Variants in VIRMA observed in about 807,000 individuals in gnomAD.
VIRMA encodes the protein vir like m6A methyltransferase associated, also known as protein virilizer homolog.
Under a neutral mutation model 182.4 loss-of-function variants are expected in VIRMA, and 65 were observed. That is an observed-to-expected ratio of 0.36 (90% CI 0.29 to 0.44). VIRMA has a LOEUF of 0.44. Among genes scored for constraint, VIRMA ranks in the 20% least tolerant of loss-of-function variants. The pLI is 1.00. For synonymous variants in VIRMA, 709 were observed against 743.1 expected, an observed-to-expected ratio of 0.95 and a Z score of 0.75; for missense variants, 1,752 against 2,158.1, an observed-to-expected ratio of 0.81 and a Z score of 3.73.
intron 1 of VIRMA, among the ~76,000 whole-genome samples, chr8:94,552,320 T>A (rs1025881061): frequency 1.3e-5 from 2 of 151,920 alleles, no homozygotes; most frequent in Admixed American, 6.5e-5. Flanking sequence ...CTACCCACTA[T>A]CATTACTATC....
chr8:94,513,795 G>T (rs962976210), intron 11 of VIRMA, among the ~76,000 whole-genome samples: 3 of 152,062 alleles, frequency 2.0e-5, no homozygotes, highest in Middle Eastern at 3.2e-3. Flanking sequence ...GATATTAATT[G>T]TACTTCTCCT....
chr8:94,538,287 C>A lies in VIRMA; in HGVS notation c.239G>T (p.Ser80Ile). The A allele has an allele frequency of 1.2e-6, 2 of 1,613,328 alleles. No individual in the cohort carries two copies. The highest frequency in any genetic ancestry group is 1.7e-6 in the Non-Finnish European group (2 of 1,179,390). ...TCCCAACCTATCGAAAACAGGGGCA[C>A]TTGGTTTGCTTACATTGTTGAAGAA... ...DLFFNNVSKP[S>I]APVFDRLGSL... is the part of the protein sequence containing the mutation. Residue 80 changes from serine (S) to isoleucine (I), a missense_variant, in exon 3 of 24, where the codon AGT (serine) becomes ATT (isoleucine). Coordinates refer to ENST00000297591, the MANE Select transcript of VIRMA (RefSeq NM_015496.5).
intron 4 of VIRMA, among the ~76,000 whole-genome samples, chr8:94,536,413 C>T (rs1282895045): frequency 6.6e-6 from 1 of 152,114 alleles, no homozygotes; most frequent in African/African-American, 2.4e-5. Flanking sequence ...TGGCATCTGG[C>T]ATATCAAGAA....
Position 94,494,880 on chromosome 8 carries a change from T to C in VIRMA, c.4621A>G (p.Ile1541Val). The C allele has an allele frequency of 6.3e-7, 1 of 1,595,650 alleles. No homozygotes were observed. Among genetic ancestry groups the C allele is most frequent in the Non-Finnish European group, 8.6e-7 (1 of 1,164,362 alleles). Residue 1541 changes from isoleucine to valine, a missense_variant, in exon 20 of 24, where the codon ATA becomes GTA. Around this residue, in one of 11 missense-constraint regions of VIRMA, gnomAD observed 777 missense variants for 920.6 expected, o/e 0.84. Coordinates refer to ENST00000297591, the MANE Select transcript of VIRMA (RefSeq NM_015496.5). ...TATACCAAATCCAGATCTGTATCTA[T>C]CTCTTCAGCCTGAAATGGAGTGAAC... ...MWFTPFQAEEIDTDLDLVKVD... is the reference protein window; with the variant it reads ...MWFTPFQAEEVDTDLDLVKVD...
At chr8:94,510,797 T>C in intron 13 of VIRMA, 145 bp from the exon 14 acceptor site, 1 of 766,850 alleles carries the variant, frequency 1.3e-6, no homozygotes, top group Non-Finnish European at 2.0e-6. Context: ...AGTTAAACAT[T>C]TGCTTGAATT....
chr8:94,489,964 T>C lies in VIRMA; in HGVS notation c.5259A>G (p.Pro1753=), dbSNP rs551358096. Reference sequence around the variant, plus strand: ...CTGTAGAACTAAGGGGTCGTAATGGTGGAAGAGGGCCTCTGTTAAAATTGC... The same window carrying C: ...CTGTAGAACTAAGGGGTCGTAATGGCGGAAGAGGGCCTCTGTTAAAATTGC... The part of the protein sequence containing the change: ...GQSNFNRGPL[P]PLRPLSSTGY... Residue 1753 remains proline, a synonymous_variant, in exon 23 of 24, where the codon CCA becomes CCG. Transcript: ENST00000297591. 27 of 1,614,140 alleles carry C rather than the reference T, an allele frequency of 1.7e-5. No homozygotes were observed. The South Asian group carries it at 2.6e-4, about 16-fold the overall frequency.
intron 18 of VIRMA, 172 bp downstream of exon 18, chr8:94,496,156 A>G (rs773707408): frequency 8.0e-5 from 53 of 664,480 alleles, no homozygotes; most frequent in African/African-American, 3.3e-4. Context: ...CTTAAAATTC[A>G]TAACAGGATG....
Position 94,506,539 on chromosome 8 carries a change from A to C in VIRMA, c.4058T>G (p.Phe1353Cys). The C allele has an allele frequency of 6.2e-7, 1 of 1,613,302 alleles. No individual in the cohort carries two copies. The highest frequency in any genetic ancestry group is 8.5e-7 in the Non-Finnish European group (1 of 1,179,414). Reference protein sequence around the residue: ...CLLTCVRTMMFLAEHDYGLFH... With the variant: ...CLLTCVRTMMCLAEHDYGLFH... ...TAATCCATAATCATGCTCTGCAAGA[A>C]ACATCATTGTTCTGACACATGTCAG... Residue 1353 changes from phenylalanine to cysteine, a missense_variant, in exon 16 of 24, where the codon TTT becomes TGT. By Grantham distance (205) the Phe-to-Cys change is radical (BLOSUM62 -2). This residue lies in a region of VIRMA where 777 missense variants were observed against 920.6 expected (regional missense o/e 0.84). Transcript: ENST00000297591.
intron 8 of VIRMA, among the ~76,000 whole-genome samples, chr8:94,524,967 T>C (rs1312424615): frequency 6.6e-6 from 1 of 152,220 alleles, no homozygotes. Context: ...CCTGCCTAAA[T>C]GCATTCTCTG....
chr8:94,513,824 T>G (rs548462648), intron 11 of VIRMA, among the ~76,000 whole-genome samples: 2 of 152,104 alleles, frequency 1.3e-5, no homozygotes, highest in Non-Finnish European at 2.9e-5. Context: ...GAAAATGTAA[T>G]GAAAAGTTCT....
At chr8:94,528,004 G>A (rs1057065874) in intron 7 of VIRMA, among the ~76,000 whole-genome samples, 6 of 152,108 alleles carry the variant, frequency 3.9e-5, no homozygotes, top group Middle Eastern at 3.4e-3. Context: ...AGGCCAAGCC[G>A]GGCAGATCAC....
intron 5 of VIRMA, among the ~76,000 whole-genome samples, chr8:94,533,159 C>T (rs887758847): frequency 8.9e-5 from 13 of 146,522 alleles, no homozygotes; most frequent in African/African-American, 2.3e-4. Flanking sequence ...AAGGAGCTCA[C>T]GGTTTGGTTA....
At position 94,511,718 on chromosome 8, in the gene VIRMA, C is replaced by A; in HGVS notation, c.2857G>T (p.Asp953Tyr). 1 of 1,613,054 alleles carries A rather than the reference C, an allele frequency of 6.2e-7. No individual in the cohort carries two copies. Among genetic ancestry groups the A allele is most frequent in the African/African-American group, 1.3e-5 (1 of 74,954 alleles). Residue 953 changes from aspartate (D) to tyrosine (Y), a missense_variant, in exon 13 of 24, where the codon GAT becomes TAT. Around this residue, in one of 11 missense-constraint regions of VIRMA, gnomAD observed 777 missense variants for 920.6 expected, o/e 0.84. Coordinates refer to ENST00000297591, the MANE Select transcript of VIRMA (RefSeq NM_015496.5). ...PPPPVEGQQKDLKWNLAVIQL... is the reference protein window; with the variant it reads ...PPPPVEGQQKYLKWNLAVIQL... ...ATAACGGCAAGATTCCATTTCAGAT[C>A]TTTCTGTTGACCTTTATATAGGATA...
At position 94,517,910 on chromosome 8, in the gene VIRMA, T is replaced by G; in HGVS notation, c.2546A>C (p.Asn849Thr). 3 of 1,613,022 alleles carry G rather than the reference T, an allele frequency of 1.9e-6. No homozygotes were observed. The highest frequency in any genetic ancestry group is 2.5e-6 in the Non-Finnish European group (3 of 1,179,238). The stretch of plus-strand genomic sequence containing the variant: ...CACCAAAATAAGTATGCATGCGTAA[T>G]TATAAGCTACTGACTTCTTAGATTT... ...DSKSKKSVAY[N>T]YACILILVVV... Residue 849 changes from asparagine to threonine, a missense_variant, in exon 10 of 24, where the codon AAT (asparagine) becomes ACT (threonine). By Grantham distance (65) the Asn-to-Thr change is moderately conservative (BLOSUM62 0). Around this residue, in one of 11 missense-constraint regions of VIRMA, gnomAD observed 777 missense variants for 920.6 expected, o/e 0.84. Transcript: ENST00000297591.
At position 94,534,915 on chromosome 8, in the gene VIRMA, T is replaced by A; in HGVS notation, c.408A>T (p.Arg136Ser). ...GSVDRVISHD[R>S]DSPPPPPPPP... ...GTGGAGGTGGTGGTGGTGGAGAGTC[T>A]CTGTCATGACTTATCACTCTATCCA... The change falls in exon 5 of 24, where the codon AGA becomes AGT. Residue 136 changes from arginine to serine, a missense_variant. Around this residue, in one of 11 missense-constraint regions of VIRMA, gnomAD observed 195 missense variants for 191.7 expected, o/e 1.02. Coordinates refer to ENST00000297591, the MANE Select transcript of VIRMA (RefSeq NM_015496.5). 1 of 1,613,914 alleles carries A rather than the reference T, an allele frequency of 6.2e-7. No individual in the cohort carries two copies. The highest frequency in any genetic ancestry group is 8.5e-7 in the Non-Finnish European group (1 of 1,179,938).
In VIRMA at chr8:94,495,894, A is replaced by G; in HGVS notation, c.4384-3T>C. 6.2e-7 allele frequency: 1 copy of G among 1,611,336 alleles called. No individual in the cohort carries two copies. The highest frequency in any genetic ancestry group is 1.1e-5 in the South Asian group (1 of 90,318). The stretch of plus-strand genomic sequence containing the variant: ...TTGTCATCATCTTTTGAATGTTCCT[A>G]GATACAAATAAAGGCAGAATAAGAA... On this transcript the variant is annotated splice_polypyrimidine_tract_variant and splice_region_variant and intron_variant, in intron 18 of 23. Transcript: ENST00000297591.
chr8:94,499,335 C>T, intron 17 of VIRMA, 39 bp downstream of exon 17: 1 of 1,386,630 alleles, frequency 7.2e-7, no homozygotes, highest in Non-Finnish European at 9.8e-7. Context: ...CAAATACATA[C>T]ATACATATAT....
chr8:94,530,387 C>G (rs1223514488), intron 6 of VIRMA, among the ~76,000 whole-genome samples: 1 of 151,130 alleles, frequency 6.6e-6, no homozygotes, highest in African/African-American at 2.4e-5. Flanking sequence ...GTCCTAGCCA[C>G]TGGGGAGGAT....
intron 1 of VIRMA, among the ~76,000 whole-genome samples, chr8:94,546,613 T>A (rs944816722): frequency 6.6e-6 from 1 of 151,100 alleles, no homozygotes; most frequent in African/African-American, 2.5e-5. Context: ...GTTGTTTACA[T>A]GGATAAGTTC....
Sources: allele counts gnomAD v4.1 joint callset (sites outside exome capture counted in the v4.1 genomes callset), GRCh38; gene constraint gnomAD v4.1.1; regional missense constraint gnomAD v4.1.1; transcripts MANE v1.5; gene names NCBI Gene and HGNC (gene_info 2026-07-23, HGNC 2026-07-21).